Variants in STRIP2 observed in about 807,000 individuals in gnomAD.
The protein encoded by STRIP2 is striatin interacting protein 2.
In STRIP2, 84 loss-of-function variants were observed where a neutral mutation model predicts 107.1. The ratio of observed to expected loss-of-function variants is 0.78; its 90% CI spans 0.66 to 0.94. The LOEUF (loss-of-function observed/expected upper bound fraction) is 0.94, where lower values mean the gene tolerates loss of function less well. STRIP2 is among the 40% of genes least tolerant of loss of function. The pLI, the probability that STRIP2 is intolerant of heterozygous loss-of-function variation, is 0.00. For missense variants in STRIP2, 888 were observed against 1,034.2 expected (o/e 0.86, Z 1.94); for synonymous variants, 394 against 400.4 (o/e 0.98, Z 0.19).
In STRIP2 at chr7:129,458,404, G is replaced by A. The variant is rs1202794909; in HGVS notation, c.1228G>A (p.Glu410Lys). The A allele has an allele frequency of 5.0e-6, 8 of 1,611,710 alleles. No individual in the cohort carries two copies. Among genetic ancestry groups the A allele is most frequent in the Non-Finnish European group, 6.8e-6 (8 of 1,179,012 alleles). ...PPPSQAPLSA[E>K]RVAFPKGLPW... is the part of the protein sequence containing the mutation. Reference sequence around the variant, plus strand: ...ACCCTCACAGGCACCCCTCTCTGCTGAGCGGGTGGCTTTTCCCAAGGGCCT... The same window carrying A: ...ACCCTCACAGGCACCCCTCTCTGCTAAGCGGGTGGCTTTTCCCAAGGGCCT... Residue 410 changes from glutamate (E) to lysine (K), a missense_variant, in exon 10 of 21, where the codon GAG (glutamate) becomes AAG (lysine). Coordinates refer to ENST00000249344, the MANE Select transcript of STRIP2 (RefSeq NM_020704.3). This position sits in a 1 kb window ranked among gnomAD's most constrained non-coding sequence, Gnocchi z 4.6.
rs1009307304 is a variant in STRIP2 at position 129,454,215 on chromosome 7, G to C, written c.599+5G>C. The C allele has an allele frequency of 3.1e-6, 5 of 1,614,050 alleles. No individual in the cohort carries two copies. The highest frequency in any genetic ancestry group is 4.2e-6 in the Non-Finnish European group (5 of 1,179,952). On this transcript the variant is annotated splice_donor_5th_base_variant and intron_variant, in intron 6 of 20. Coordinates refer to ENST00000249344, the MANE Select transcript of STRIP2 (RefSeq NM_020704.3). ...AGCTGATAGCACAGAGCTCAGGTGA[G>C]TGGGGCTAACTATGGGCTTGGAACA...
In STRIP2 at chr7:129,440,105, G is replaced by A; in HGVS notation, c.199+14G>A. ...CCGAGTTGTCAGGTATGAGGTAGAT[G>A]GGTCAGTAGCTAGTGGAAGAATGGC... is the stretch of plus-strand genomic sequence containing the variant. On this transcript the variant is annotated intron_variant, in intron 2 of 20. Transcript: ENST00000249344. The A allele has an allele frequency of 6.2e-7, 1 of 1,611,940 alleles. No individual in the cohort carries two copies. Among genetic ancestry groups the A allele is most frequent in the Non-Finnish European group, 8.5e-7 (1 of 1,178,018 alleles).
At chr7:129,445,559 G>A (rs1247734734) in intron 3 of STRIP2, among the ~76,000 whole-genome samples, 1 of 151,942 alleles carries the variant, frequency 6.6e-6, no homozygotes, top group Non-Finnish European at 1.5e-5. Flanking sequence ...TCCTGACTAT[G>A]GGAAAAACAG....
intron 18 of STRIP2, among the ~76,000 whole-genome samples, chr7:129,480,440 A>G (rs1306107404): frequency 6.6e-6 from 1 of 152,258 alleles, no homozygotes; most frequent in Non-Finnish European, 1.5e-5. Context: ...AACATAGTTT[A>G]TATAAGCGCA....
At chr7:129,440,169 C>G in intron 2 of STRIP2, 78 bp downstream of exon 2, 5 of 1,249,094 alleles carry the variant, frequency 4.0e-6, no homozygotes, top group Non-Finnish European at 5.9e-6. Flanking sequence ...TCCCTGGAAG[C>G]TTGTCTGTTC....
intron 9 of STRIP2, 60 bp downstream of exon 9, chr7:129,456,702 A>T: frequency 6.8e-7 from 1 of 1,481,032 alleles, no homozygotes; most frequent in Non-Finnish European, 9.3e-7. Context: ...CAAGATTCTA[A>T]GTTACTCTGG....
chr7:129,437,795 C>A (rs1403347033), intron 1 of STRIP2, among the ~76,000 whole-genome samples: 20 of 139,626 alleles, frequency 1.4e-4, no homozygotes, highest in Non-Finnish European at 2.9e-4. Flanking sequence ...AAACATGATT[C>A]GCCTTGTTTT....
chr7:129,460,105 C>G (rs1417082697), intron 12 of STRIP2, among the ~76,000 whole-genome samples, 196 bp from the exon 13 acceptor site: 1 of 152,028 alleles, frequency 6.6e-6, no homozygotes, highest in African/African-American at 2.4e-5. Context: ...TAAAAAAACA[C>G]TGTGCACAAA....
At chr7:129,447,653 TCCC>T (rs1798073261) in intron 3 of STRIP2, among the ~76,000 whole-genome samples, 2 of 152,344 alleles carry the variant, frequency 1.3e-5, no homozygotes, top group South Asian at 4.1e-4. Context: ...TATATTGCTG[TCCC>T]AGCCAGCTGC....
At chr7:129,450,218 C>T (rs912861937) in intron 3 of STRIP2, among the ~76,000 whole-genome samples, 1 of 152,166 alleles carries the variant, frequency 6.6e-6, no homozygotes. Context: ...TCTAGAACCA[C>T]TCCTGGTACC....
intron 18 of STRIP2, among the ~76,000 whole-genome samples, chr7:129,480,077 A>G (rs1799079574): frequency 6.6e-6 from 1 of 152,158 alleles, no homozygotes; most frequent in East Asian, 1.9e-4. Context: ...TGAGTTATAT[A>G]GCTTCTGACA....
chr7:129,438,378 G>A lies in STRIP2; in HGVS notation c.130-1644G>A, dbSNP rs368717238. Among the ~76,000 whole-genome samples, 6 of 152,118 alleles carry A rather than the reference G, an allele frequency of 3.9e-5. No individual in the cohort carries two copies. The East Asian group carries it at 7.7e-4, about 19-fold the overall frequency. The stretch of plus-strand genomic sequence containing the variant: ...ATTTATACAACCATTTAAACTAATA[G>A]TCATAATAATGTGAGAAGAATGCCT... On this transcript the variant is annotated intron_variant, in intron 1 of 20. Transcript: ENST00000249344.
chr7:129,476,289 C>T (rs1407149512), intron 18 of STRIP2, among the ~76,000 whole-genome samples: 1 of 151,350 alleles, frequency 6.6e-6, no homozygotes, highest in Non-Finnish European at 1.5e-5. Context: ...AGACGCTCCT[C>T]ACTTCCCAGA....
intron 13 of STRIP2, among the ~76,000 whole-genome samples, chr7:129,462,216 TGTCCATTTAGGACTTAC>T (rs1257739761): frequency 6.6e-6 from 1 of 152,216 alleles, no homozygotes; most frequent in Non-Finnish European, 1.5e-5. Context: ...CTCTGTTGAA[TGTCCATTTAGGACTTAC>T]GTCCATTTAA....
At chr7:129,439,989 A>T in intron 1 of STRIP2, 33 bp from the exon 2 acceptor site, 2 of 1,587,740 alleles carry the variant, frequency 1.3e-6, no homozygotes, top group Non-Finnish European at 1.7e-6. Context: ...TTTCCAAGTT[A>T]TCCCAGTTAC....
intron 2 of STRIP2, among the ~76,000 whole-genome samples, chr7:129,441,595 T>A (rs1797900150): frequency 6.6e-6 from 1 of 152,234 alleles, no homozygotes; most frequent in Non-Finnish European, 1.5e-5. Flanking sequence ...AGACAGAGTC[T>A]GGCTCTGTTG....
chr7:129,436,126 A>G (rs1393743388), intron 1 of STRIP2, among the ~76,000 whole-genome samples: 1 of 152,032 alleles, frequency 6.6e-6, no homozygotes, highest in Non-Finnish European at 1.5e-5. Context: ...TTCTCGTTCA[A>G]ATGTTTTTTT....
At position 129,483,008 on chromosome 7, in the gene STRIP2, T is replaced by C. The variant is rs763955389; in HGVS notation, c.2216T>C (p.Val739Ala). The change falls in exon 20 of 21, where the codon GTG becomes GCG. Residue 739 changes from valine to alanine, a missense_variant. By Grantham distance (64) the Val-to-Ala change is moderately conservative. Transcript: ENST00000249344. The surrounding 1 kb of genome is among the most constrained non-coding windows in gnomAD (Gnocchi z 5.1). The stretch of plus-strand genomic sequence containing the variant: ...ACCATGTCAGCCATTTACCAGAAAG[T>C]GCGTCACCGCATGAACGATGACTGG... Reference protein sequence around the residue: ...MKTMSAIYQKVRHRMNDDWAY... With the variant: ...MKTMSAIYQKARHRMNDDWAY... 1 of 1,614,222 alleles carries C rather than the reference T, an allele frequency of 6.2e-7. No homozygotes were observed. The highest frequency in any genetic ancestry group is 1.1e-5 in the South Asian group (1 of 91,080).
intron 18 of STRIP2, among the ~76,000 whole-genome samples, chr7:129,475,333 T>A (rs1021368982): frequency 2.0e-5 from 3 of 151,778 alleles, no homozygotes; most frequent in Non-Finnish European, 4.4e-5. Flanking sequence ...GATATCTTTT[T>A]ATTTTTTTAT....
Sources: allele counts gnomAD v4.1 joint callset (sites outside exome capture counted in the v4.1 genomes callset), GRCh38; gene constraint gnomAD v4.1.1; non-coding constraint Gnocchi (gnomAD v3.1); transcripts MANE v1.5; gene names NCBI Gene and HGNC (gene_info 2026-07-23, HGNC 2026-07-21).